Variants in HOOK1 observed in about 807,000 individuals in gnomAD.
HOOK1 encodes the protein protein Hook homolog 1.
In HOOK1, 60 loss-of-function variants were observed where a neutral mutation model predicts 112.8. The observed-to-expected ratio is 0.53, with a 90% CI of 0.43 to 0.66. The LOEUF is 0.66. Among genes scored for constraint, HOOK1 ranks in the 30% least tolerant of loss-of-function variants. The pLI is 0.00. For missense variants in HOOK1, 770 were observed against 856.0 expected (o/e 0.90, Z 1.25); for synonymous variants, 294 against 283.8 (o/e 1.04, Z -0.36).
At chr1:59,845,209 G>C (rs866152768) in intron 9 of HOOK1, among the ~76,000 whole-genome samples, 9 of 151,894 alleles carry the variant, frequency 5.9e-5, no homozygotes, top group South Asian at 4.2e-4. Flanking sequence ...TTTCATAAGA[G>C]CACTAATCCC....
chr1:59,855,131 C>CA (rs963163017), intron 12 of HOOK1, among the ~76,000 whole-genome samples: 3 of 151,922 alleles, frequency 2.0e-5, no homozygotes, highest in African/African-American at 4.8e-5. Flanking sequence ...TAAACAAAAA[C>CA]AAAAAAACAA....
chr1:59,865,291 A>T, intron 18 of HOOK1, 46 bp downstream of exon 18: 1 of 1,169,902 alleles, frequency 8.5e-7, no homozygotes, highest in Non-Finnish European at 1.3e-6. Flanking sequence ...ATATCTAAGG[A>T]CTTACCCTTT....
chr1:59,868,099 C>G, intron 19 of HOOK1, 151 bp from the exon 20 acceptor site: 1 of 530,308 alleles, frequency 1.9e-6, no homozygotes, highest in Non-Finnish European at 3.4e-6. Flanking sequence ...TTTTGTTATC[C>G]CAATTAGGAT....
intron 12 of HOOK1, among the ~76,000 whole-genome samples, chr1:59,855,972 ATATATATATATATTTTTTTTTTT>A (rs2098410420): frequency 1.5e-5 from 1 of 67,818 alleles, no homozygotes; most frequent in African/African-American, 5.7e-5. Context: ...ATTATTATAT[ATATATATATATATTTTTTTTTTT>A]TTTTTTTTTT....
chr1:59,821,713 T>C (rs536792848), intron 1 of HOOK1, 145 bp from the exon 2 acceptor site: 19 of 567,716 alleles, frequency 3.3e-5, no homozygotes, highest in Middle Eastern at 4.4e-4. Flanking sequence ...GTTCCATTTG[T>C]TTGTCTGGGT....
intron 8 of HOOK1, among the ~76,000 whole-genome samples, chr1:59,841,176 C>T (rs2098400852): frequency 6.6e-6 from 1 of 152,104 alleles, no homozygotes; most frequent in African/African-American, 2.4e-5. Flanking sequence ...CATTAAAATA[C>T]AAATGTGCAT....
chr1:59,869,392 A>G (rs1220683326), intron 20 of HOOK1, among the ~76,000 whole-genome samples: 1 of 152,112 alleles, frequency 6.6e-6, no homozygotes, highest in Non-Finnish European at 1.5e-5. Context: ...GGGTTTTGCC[A>G]CGTTGGCCAG....
At chr1:59,822,828 T>C (rs2098386598) in intron 2 of HOOK1, among the ~76,000 whole-genome samples, 1 of 152,340 alleles carries the variant, frequency 6.6e-6, no homozygotes, top group Non-Finnish European at 1.5e-5. Flanking sequence ...TATGCCTGTC[T>C]TAGAAAAACA....
rs572057855 is a variant in HOOK1 at position 59,842,246 on chromosome 1, G to A, written c.622-1186G>A. ...TTGTGCCCTACCCTTACCCTATAGT[G>A]TACTTCTATCAAAGCACCTTCAACA... On this transcript the variant is annotated intron_variant, in intron 8 of 21. Transcript: ENST00000371208. Among the ~76,000 whole-genome samples, 84 of 152,090 alleles carry A rather than the reference G, an allele frequency of 5.5e-4. 3 individuals are homozygous for A. The South Asian group carries it at 0.012, about 22-fold the overall frequency.
In HOOK1 at chr1:59,865,949, A is replaced by G. The variant is rs753520539; in HGVS notation, c.1822A>G (p.Met608Val). The G allele has an allele frequency of 1.9e-6, 3 of 1,593,002 alleles. No homozygotes were observed. The East Asian group carries it at 6.8e-5, about 36-fold the overall frequency. Residue 608 changes from methionine (M) to valine (V), a missense_variant, in exon 19 of 22, where the codon ATG becomes GTG. Physicochemically the swap from Met to Val is conservative, Grantham distance 21. This residue lies in a region of HOOK1 where 655 missense variants were observed against 725.9 expected (regional missense o/e 0.90). Transcript: ENST00000371208. Reference sequence around the variant, plus strand: ...GAAAGCAATGGAGGAAAGATATAAAATGTACTTGGAGAAAGCCAGAAATGT... The same window carrying G: ...GAAAGCAATGGAGGAAAGATATAAAGTGTACTTGGAGAAAGCCAGAAATGT... ...DMKAMEERYK[M>V]YLEKARNVIK...
rs759233010 is a variant in HOOK1 at position 59,833,580 on chromosome 1, A to G, written c.406+43A>G. The G allele has an allele frequency of 2.7e-6, 4 of 1,462,500 alleles. No individual in the cohort carries two copies. The East Asian group carries it at 9.5e-5, about 35-fold the overall frequency. The allele number at this position is 1,462,500 out of a possible 1,614,324, so 90.6% of individuals were successfully genotyped here. A position where few individuals can be genotyped will look rare whatever the true frequency, so the allele number is the denominator to read the frequency against. ...ATTTGAGGATTTCTACTTTCTAGAA[A>G]CTTTCTACATTGCTATATAAGCTAG... is the stretch of plus-strand genomic sequence containing the variant. On this transcript the variant is annotated intron_variant, in intron 5 of 21. Transcript: ENST00000371208.
chr1:59,817,801 C>T (rs189547506), intron 1 of HOOK1, among the ~76,000 whole-genome samples: 1 of 152,336 alleles, frequency 6.6e-6, no homozygotes, highest in African/African-American at 2.4e-5. Context: ...CCTTATCCCA[C>T]TGTAACCTGT....
intron 15 of HOOK1, among the ~76,000 whole-genome samples, chr1:59,860,777 C>CT (rs35112707): frequency 0.27 from 37,872 of 141,142 alleles, 6,947 homozygotes; most frequent in African/African-American, 0.54. Context: ...TCTTCTCTTT[C>CT]TTTTTTTTTT....
intron 7 of HOOK1, among the ~76,000 whole-genome samples, chr1:59,839,967 G>T (rs1190471242): frequency 6.6e-6 from 1 of 152,116 alleles, no homozygotes; most frequent in Non-Finnish European, 1.5e-5. Flanking sequence ...TTTGTCATTG[G>T]TTCTGTTTAT....
Position 59,827,928 on chromosome 1 carries a change from A to G in HOOK1, c.150-852A>G, listed in dbSNP as rs977156508. Among the ~76,000 whole-genome samples, 6 of 152,276 alleles carry G rather than the reference A, an allele frequency of 3.9e-5. No homozygotes were observed. In the East Asian group the frequency reaches 1.2e-3, roughly 29 times the overall value. On this transcript the variant is annotated intron_variant, in intron 2 of 21. Transcript: ENST00000371208. ...ACCTTTAAGACCTCTTCCAGCATAA[A>G]CATTCTGTGATTTTGAAGTTGTTTT...
rs1385194409 is a variant in HOOK1, at chr1:59,875,300, G to A, written c.*2335G>A. 6.6e-6 allele frequency: 1 copy of A among 152,466 alleles called. No individual in the cohort carries two copies. The highest frequency in any genetic ancestry group is 1.5e-5 in the Non-Finnish European group (1 of 67,974). The allele number at this position is 152,466 out of a possible 1,614,324, so 9.4% of individuals were successfully genotyped here. On this transcript the variant is annotated 3_prime_UTR_variant, in exon 22 of 22. Coordinates refer to ENST00000371208, the MANE Select transcript of HOOK1 (RefSeq NM_015888.6). ...AAGGCTAGATTCATTTTTCTTAATA[G>A]AGAAAAAGGAAATTTCTGATTTATC... is the stretch of plus-strand genomic sequence containing the variant.
chr1:59,862,015 AGTT>A (rs1198362177), intron 15 of HOOK1, among the ~76,000 whole-genome samples: 41 of 152,348 alleles, frequency 2.7e-4, no homozygotes, highest in Admixed American at 2.6e-3. Flanking sequence ...GTTCAATACC[AGTT>A]GTTAACACTT....
At chr1:59,830,360 G>A (rs890853035) in intron 3 of HOOK1, among the ~76,000 whole-genome samples, 1 of 151,778 alleles carries the variant, frequency 6.6e-6, no homozygotes, top group Admixed American at 6.6e-5. Flanking sequence ...TTTACTTCAT[G>A]TATTTTGAAT....
chr1:59,840,311 A>T lies in HOOK1; in HGVS notation c.541A>T (p.Lys181Ter), dbSNP rs1268572002. Residue 181 changes from lysine (K) to a stop codon, truncating the protein, a stop_gained, in exon 8 of 22, where the codon AAA (lysine) becomes TAA (stop). Coordinates refer to ENST00000371208, the MANE Select transcript of HOOK1 (RefSeq NM_015888.6). LOFTEE classifies it high-confidence loss of function. ...DAVGELEQQL[K>*]RALEELQEAL... ...TTTAGGACATTTTGTATTTCAGCTTAAAAGAGCCTTGGAAGAACTTCAGGA... is the reference window on the plus strand; with the variant it reads ...TTTAGGACATTTTGTATTTCAGCTTTAAAGAGCCTTGGAAGAACTTCAGGA... The T allele has an allele frequency of 6.4e-7, 1 of 1,570,152 alleles. No homozygotes were observed.
Sources: allele counts gnomAD v4.1 joint callset (sites outside exome capture counted in the v4.1 genomes callset), GRCh38; gene constraint gnomAD v4.1.1; regional missense constraint gnomAD v4.1.1; transcripts MANE v1.5; gene names NCBI Gene and HGNC (gene_info 2026-07-23, HGNC 2026-07-21).